Variants in CNGB3 observed in about 807,000 individuals in gnomAD.
CNGB3 encodes cyclic nucleotide gated channel subunit beta 3, also known as cyclic nucleotide-gated channel beta-3.
A neutral mutation model predicts 92.8 loss-of-function variants in CNGB3; 86 were observed. The observed-to-expected ratio is 0.93, with a 90% confidence interval of 0.78 to 1.11. The LOEUF (loss-of-function observed/expected upper bound fraction) is 1.11, where lower values mean the gene tolerates loss of function less well. CNGB3 is among the 50% of genes least tolerant of loss of function. The probability of loss-of-function intolerance (pLI) is 0.00; values close to 1 mark genes in which losing one functional copy is unlikely to be tolerated. For synonymous variants in CNGB3, 333 were observed against 332.7 expected, an observed-to-expected ratio of 1.00 and a Z score of -0.01; for missense variants, 1,026 against 956.8, an observed-to-expected ratio of 1.07 and a Z score of -0.95.
chr8:86,604,820 G>A (rs926703231), intron 14 of CNGB3, among the ~76,000 whole-genome samples: 5 of 152,200 alleles, frequency 3.3e-5, no homozygotes, highest in Admixed American at 6.5e-5. Context: ...CTCCTGGAAT[G>A]TTCACATAGC....
rs368547975 is a variant in CNGB3 at position 86,654,078 on chromosome 8, A to G, written c.853-16T>C. On this transcript the variant is annotated splice_polypyrimidine_tract_variant and intron_variant, in intron 6 of 17. Transcript: ENST00000320005. The stretch of plus-strand genomic sequence containing the variant: ...TTGAATCCACCTGAAAGATATTTGT[A>G]TTTTCATTAATTTTAGCCAATTTCA... 1.4e-5 allele frequency: 21 copies of G among 1,504,924 alleles called. No homozygotes were observed. The African/African-American group carries it at 2.5e-4, about 18-fold the overall frequency. 93.2% of individuals were successfully genotyped at this position (1,504,924 alleles called of 1,614,324 possible).
Position 86,735,022 on chromosome 8 carries a change from C to A in CNGB3, c.211+4633G>T, listed in dbSNP as rs552930001. ...AGTTGTGATTTGAATTCGGGCATGT[C>A]AAATTCTCAAATGCCGGTGGTTTTT... On this transcript the variant is annotated intron_variant, in intron 2 of 17. Transcript: ENST00000320005. Among the ~76,000 whole-genome samples, 29 of 120,234 alleles carry A rather than the reference C, an allele frequency of 2.4e-4. 1 individual carries two copies. The South Asian group carries it at 8.0e-3, about 33-fold the overall frequency. 78.9% of individuals were successfully genotyped at this position (120,234 alleles called of 152,430 possible).
intron 3 of CNGB3, among the ~76,000 whole-genome samples, chr8:86,678,309 A>G (rs930428962): frequency 1.1e-4 from 17 of 152,334 alleles, no homozygotes; most frequent in African/African-American, 4.1e-4. Flanking sequence ...TCTACCATAA[A>G]GCCTATACAT....
chr8:86,661,849 C>T lies in CNGB3; in HGVS notation c.852+5076G>A, dbSNP rs566501454. ...TTGTTCTCAGTATCTTCTGGACGTTCCAGAACTGATGTCAGATTTGGGTCA... is the reference window on the plus strand; with the variant it reads ...TTGTTCTCAGTATCTTCTGGACGTTTCAGAACTGATGTCAGATTTGGGTCA... On this transcript the variant is annotated intron_variant, in intron 6 of 17. Coordinates refer to ENST00000320005, the MANE Select transcript of CNGB3 (RefSeq NM_019098.5). The T allele has an allele frequency of 6.5e-5, 87 of 1,329,060 alleles. No homozygotes were observed. In the African/African-American group the frequency reaches 1.1e-3, roughly 17 times the overall value. 82.3% of individuals were successfully genotyped at this position (1,329,060 alleles called of 1,614,324 possible).
rs1441686557 is a variant in CNGB3, at chr8:86,647,868, A to G, written c.923T>C (p.Ile308Thr). ...TKFQLDVASI[I>T]PFDICYLFFG... is the part of the protein sequence containing the mutation. Reference sequence around the variant, plus strand: ...GAAGAGGTAGCAAATATCAAATGGTATTATTGATGCGACATCCAACTGTTG... The same window carrying G: ...GAAGAGGTAGCAAATATCAAATGGTGTTATTGATGCGACATCCAACTGTTG... Residue 308 changes from isoleucine to threonine, a missense_variant, in exon 8 of 18, where the codon ATA becomes ACA. Coordinates refer to ENST00000320005, the MANE Select transcript of CNGB3 (RefSeq NM_019098.5). The G allele has an allele frequency of 6.3e-7, 1 of 1,595,514 alleles. No individual in the cohort carries two copies. The highest frequency in any genetic ancestry group is 1.3e-5 in the African/African-American group (1 of 74,530).
At chr8:86,645,481 T>C (rs1376093919) in intron 8 of CNGB3, among the ~76,000 whole-genome samples, 2 of 151,152 alleles carry the variant, frequency 1.3e-5, no homozygotes, top group African/African-American at 4.8e-5. Context: ...ATGAGATCAA[T>C]AAGAAAAGAT....
In CNGB3 at chr8:86,684,294, G is replaced by A. The variant is rs750830927; in HGVS notation, c.339-13196C>T. Among the ~76,000 whole-genome samples the A allele has an allele frequency of 4.6e-5, 7 of 152,120 alleles. No homozygotes were observed. The East Asian group carries it at 9.7e-4, about 21-fold the overall frequency. ...GAAATGCAAATTATAACCACAATGA[G>A]CTATAACTACACATCTATCAGAATG... On this transcript the variant is annotated intron_variant, in intron 3 of 17. Coordinates refer to ENST00000320005, the MANE Select transcript of CNGB3 (RefSeq NM_019098.5).
chr8:86,678,897 A>G (rs1824026576), intron 3 of CNGB3, among the ~76,000 whole-genome samples: 1 of 152,208 alleles, frequency 6.6e-6, no homozygotes. Flanking sequence ...ATGAATAAAC[A>G]TATCAGCATA....
intron 7 of CNGB3, among the ~76,000 whole-genome samples, chr8:86,653,299 C>T (rs958499127): frequency 6.6e-6 from 1 of 150,980 alleles, no homozygotes; most frequent in African/African-American, 2.4e-5. Flanking sequence ...AAGTATGTGG[C>T]AATATTTAAT....
intron 3 of CNGB3, among the ~76,000 whole-genome samples, chr8:86,723,605 G>GTATTGAA (rs1825011043): frequency 6.6e-6 from 1 of 152,102 alleles, no homozygotes; most frequent in South Asian, 2.1e-4. Flanking sequence ...GAAAGCTTTG[G>GTATTGAA]TCAGTTCTAC....
rs544846890 is a variant in CNGB3 at position 86,643,963 on chromosome 8, G to A, written c.1056-90C>T. On this transcript the variant is annotated intron_variant, in intron 9 of 17. Coordinates refer to ENST00000320005, the MANE Select transcript of CNGB3 (RefSeq NM_019098.5). ...TTTTCTTTTCCTTAAAGTCACCAGC[G>A]AACCCCTTGCTTTGGATTTGTGAAC... 54 of 1,413,444 alleles carry A rather than the reference G, an allele frequency of 3.8e-5. No homozygotes were observed. In the South Asian group the frequency reaches 3.9e-4, roughly 10 times the overall value. The allele number at this position is 1,413,444 out of a possible 1,614,324, so 87.6% of individuals were successfully genotyped here.
chr8:86,582,986 A>G (rs1821819006), intron 15 of CNGB3, among the ~76,000 whole-genome samples: 1 of 52,574 alleles, frequency 1.9e-5, no homozygotes. Flanking sequence ...CCCAGGCTGG[A>G]GTGCAATGGT....
chr8:86,580,124 A>G (rs1184365383), intron 15 of CNGB3, among the ~76,000 whole-genome samples: 3 of 150,342 alleles, frequency 2.0e-5, no homozygotes, highest in Non-Finnish European at 4.4e-5. Flanking sequence ...GACAGAGAGC[A>G]AGGAAGTGCC....
At chr8:86,654,099 T>G in intron 6 of CNGB3, 37 bp from the exon 7 acceptor site, 1 of 1,331,590 alleles carries the variant, frequency 7.5e-7, no homozygotes, top group South Asian at 1.2e-5. Context: ...TTTTAGCCAA[T>G]TTCATCAATT....
intron 13 of CNGB3, among the ~76,000 whole-genome samples, chr8:86,619,959 A>G (rs1477240779): frequency 6.6e-6 from 1 of 151,932 alleles, no homozygotes; most frequent in Non-Finnish European, 1.5e-5. Flanking sequence ...GGGCTCAGGC[A>G]ATCCTCTTGC....
At chr8:86,691,009 T>C (rs1824301149) in intron 3 of CNGB3, among the ~76,000 whole-genome samples, 1 of 152,250 alleles carries the variant, frequency 6.6e-6, no homozygotes, top group Non-Finnish European at 1.5e-5. Flanking sequence ...TTCAGCTTTA[T>C]TCTTTTGGCT....
rs541251066 is a variant in CNGB3 at position 86,582,590 on chromosome 8, G to C, written c.1782-3338C>G. ...AAACCTTGAAAGAATCCAGAGGGGG[G>C]AAGTACCTAAGATAGAGAGAAACAA... On this transcript the variant is annotated intron_variant, in intron 15 of 17. Coordinates refer to ENST00000320005, the MANE Select transcript of CNGB3 (RefSeq NM_019098.5). Among the ~76,000 whole-genome samples the C allele has an allele frequency of 5.3e-5, 8 of 152,224 alleles. No homozygotes were observed. The South Asian group carries it at 1.7e-3, about 32-fold the overall frequency.
intron 7 of CNGB3, among the ~76,000 whole-genome samples, chr8:86,648,975 T>C (rs1823345762): frequency 6.6e-6 from 1 of 151,470 alleles, no homozygotes; most frequent in South Asian, 2.1e-4. Context: ...GAAATCAATG[T>C]ACACAAATCA....
intron 2 of CNGB3, among the ~76,000 whole-genome samples, chr8:86,735,815 G>A (rs1210717077): frequency 6.6e-6 from 1 of 152,156 alleles, no homozygotes; most frequent in Non-Finnish European, 1.5e-5. Flanking sequence ...AGATTTTAGA[G>A]ATTATGGTGT....
Sources: allele counts gnomAD v4.1 joint callset (sites outside exome capture counted in the v4.1 genomes callset), GRCh38; gene constraint gnomAD v4.1.1; transcripts MANE v1.5; gene names NCBI Gene and HGNC (gene_info 2026-07-23, HGNC 2026-07-21).